The following FCHO2 variants were observed in gnomAD, a reference collection of about 807,000 sequenced individuals.
FCHO2 encodes the protein FCH and mu domain containing endocytic adaptor 2.
In FCHO2, 43 loss-of-function variants were observed where a neutral mutation model predicts 114.1. That is an observed-to-expected ratio of 0.38 (90% confidence interval 0.30 to 0.49). FCHO2 has a LOEUF of 0.49. Ranked by LOEUF, FCHO2 falls within the 20% of genes least tolerant of loss-of-function variation. The pLI, the probability that FCHO2 is intolerant of heterozygous loss-of-function variation, is 0.97. For missense variants in FCHO2, 807 were observed against 950.4 expected (o/e 0.85, Z 1.98); for synonymous variants, 293 against 315.2 (o/e 0.93, Z 0.75).
chr5:72,979,343 G>T (rs1191751654), intron 2 of FCHO2, among the ~76,000 whole-genome samples: 1 of 148,626 alleles, frequency 6.7e-6, no homozygotes, highest in East Asian at 2.0e-4. Context: ...GACCTGGGAG[G>T]GTGTATGTGT....
At chr5:73,036,473 A>G (rs890457125) in intron 9 of FCHO2, among the ~76,000 whole-genome samples, 7 of 151,908 alleles carry the variant, frequency 4.6e-5, no homozygotes, top group Non-Finnish European at 8.8e-5. Flanking sequence ...TCCTGGACTC[A>G]AGCAATCCTC....
chr5:73,052,372 C>G lies in FCHO2; in HGVS notation c.1038C>G (p.Asp346Glu). The stretch of plus-strand genomic sequence containing the variant: ...ATTTCTACTCATCTAGTGATTCTGA[C>G]TCCGAAGATGAAGAACCAAAGAAGT... The part of the protein sequence containing the change: ...ENHFYSSSDS[D>E]SEDEEPKKYR... Residue 346 changes from aspartate to glutamate, a missense_variant, in exon 13 of 26, where the codon GAC (aspartate) becomes GAG (glutamate). Transcript: ENST00000430046. 1 of 1,608,950 alleles carries G rather than the reference C, an allele frequency of 6.2e-7. No homozygotes were observed. The highest frequency in any genetic ancestry group is 8.5e-7 in the Non-Finnish European group (1 of 1,177,440).
At chr5:73,053,517 A>G (rs946913972) in intron 13 of FCHO2, among the ~76,000 whole-genome samples, 12 of 152,154 alleles carry the variant, frequency 7.9e-5, no homozygotes, top group African/African-American at 2.7e-4. Context: ...AACACAGTGA[A>G]ACCCCGTCTC....
At chr5:73,041,947 A>G (rs892291674) in intron 11 of FCHO2, among the ~76,000 whole-genome samples, 1 of 152,116 alleles carries the variant, frequency 6.6e-6, no homozygotes, top group Non-Finnish European at 1.5e-5. Context: ...GTTCATGTTG[A>G]TAAGTATAGG....
chr5:72,991,206 A>T (rs1753791498), intron 5 of FCHO2, among the ~76,000 whole-genome samples: 1 of 152,166 alleles, frequency 6.6e-6, no homozygotes, highest in Non-Finnish European at 1.5e-5. Context: ...CTGGGATTAC[A>T]GGCGCATGAC....
intron 8 of FCHO2, among the ~76,000 whole-genome samples, chr5:73,028,744 A>G (rs556905237): frequency 2.1e-5 from 3 of 140,452 alleles, no homozygotes; most frequent in South Asian, 4.4e-4. Context: ...TCCACCTCCC[A>G]GGTTCAAGTG....
intron 22 of FCHO2, 75 bp from the exon 23 acceptor site, chr5:73,081,708 C>A: frequency 8.9e-7 from 1 of 1,119,938 alleles, no homozygotes. Context: ...CTTACATGTT[C>A]AAGTGTCCAT....
At chr5:73,033,164 G>C (rs999456327) in intron 8 of FCHO2, among the ~76,000 whole-genome samples, 5 of 151,792 alleles carry the variant, frequency 3.3e-5, no homozygotes, top group Non-Finnish European at 1.5e-5. Context: ...TTTTTAATTG[G>C]GTCATTTTCT....
intron 2 of FCHO2, among the ~76,000 whole-genome samples, chr5:72,973,156 A>C (rs1296359247): frequency 6.6e-6 from 1 of 152,144 alleles, no homozygotes; most frequent in Admixed American, 6.5e-5. Context: ...TATTGGTCTA[A>C]AATTCTCTTT....
intron 1 of FCHO2, among the ~76,000 whole-genome samples, chr5:72,956,626 T>C (rs1193273202): frequency 6.6e-6 from 1 of 152,136 alleles, no homozygotes; most frequent in African/African-American, 2.4e-5. Flanking sequence ...CCAAATCCAG[T>C]GCGGGGTTGG....
At chr5:73,075,614 G>C (rs1742875231) in intron 20 of FCHO2, among the ~76,000 whole-genome samples, 2 of 152,146 alleles carry the variant, frequency 1.3e-5, no homozygotes, top group African/African-American at 4.8e-5. Context: ...TTTCAGAGGA[G>C]CGCTGGTTGC....
chr5:73,079,605 A>G (rs1159398717), intron 22 of FCHO2, among the ~76,000 whole-genome samples: 3 of 152,234 alleles, frequency 2.0e-5, no homozygotes, highest in African/African-American at 4.8e-5. Flanking sequence ...AAAAGATACC[A>G]TACCATAAAG....
intron 8 of FCHO2, chr5:73,020,679 C>T: frequency 1.7e-6 from 2 of 1,144,632 alleles, no homozygotes; most frequent in Non-Finnish European, 2.7e-6. Context: ...CCGCAAGGAA[C>T]AGTTTGGTCT....
At chr5:72,983,547 C>CTTTT (rs35592345) in intron 2 of FCHO2, among the ~76,000 whole-genome samples, 3 of 112,896 alleles carry the variant, frequency 2.7e-5, no homozygotes, top group Non-Finnish European at 3.7e-5. Context: ...AGTGACAATA[C>CTTTT]TTTTTTTTTT....
intron 8 of FCHO2, among the ~76,000 whole-genome samples, chr5:73,029,843 C>CAAAT (rs1333765088): frequency 6.6e-6 from 1 of 152,130 alleles, no homozygotes; most frequent in Non-Finnish European, 1.5e-5. Context: ...CTAAGCCATT[C>CAAAT]ATGAAAGATC....
intron 8 of FCHO2, among the ~76,000 whole-genome samples, chr5:73,022,501 C>T (rs111294024): frequency 5.3e-5 from 8 of 152,258 alleles, no homozygotes; most frequent in African/African-American, 1.9e-4. Context: ...CACTGCTCAG[C>T]CAAAGGCTGA....
chr5:73,088,196 G>T lies in FCHO2; in HGVS notation c.*106G>T. 6.8e-7 allele frequency: 1 copy of T among 1,469,282 alleles called. No individual in the cohort carries two copies. Among genetic ancestry groups the T allele is most frequent in the South Asian group, 1.2e-5 (1 of 82,414 alleles). The allele number at this position is 1,469,282 out of a possible 1,614,324, so 91.0% of individuals were successfully genotyped here. A position where few individuals can be genotyped will look rare whatever the true frequency, so the allele number is the denominator to read the frequency against. On this transcript the variant is annotated 3_prime_UTR_variant, in exon 26 of 26. Transcript: ENST00000430046. ...ACTTGTATGATGTCTTTCAAACTTA[G>T]ACATATTTGAGAGCTGACTACAAAC...
chr5:73,039,791 G>T (rs1756718017), intron 10 of FCHO2, among the ~76,000 whole-genome samples: 1 of 151,986 alleles, frequency 6.6e-6, no homozygotes, highest in African/African-American at 2.4e-5. Context: ...AGCCAGGTGT[G>T]GTGGTACACA....
At chr5:73,056,750 C>A (rs1355836787) in intron 16 of FCHO2, among the ~76,000 whole-genome samples, 1 of 152,014 alleles carries the variant, frequency 6.6e-6, no homozygotes, top group African/African-American at 2.4e-5. Flanking sequence ...GGAATTTTCT[C>A]ATTTCTTCCT....
Sources: gnomAD v4.1 joint callset for allele counts (sites outside exome capture counted in the v4.1 genomes callset) on GRCh38, gnomAD v4.1.1 for gene constraint, MANE v1.5 for transcripts, NCBI Gene and HGNC (gene_info 2026-07-23, HGNC 2026-07-21) for gene names.